The following ATM variants were observed in gnomAD, a reference collection of about 807,000 sequenced individuals.
ATM encodes the protein serine-protein kinase ATM.
ATM carries 308 observed loss-of-function variants against 387.0 expected under a neutral mutation model. The ratio of observed to expected loss-of-function variants is 0.80; its 90% CI spans 0.73 to 0.87. ATM has a LOEUF of 0.87. ATM is among the 40% of genes least tolerant of loss of function. The pLI is 0.00. For missense variants in ATM, 3,312 were observed against 3,560.9 expected (o/e 0.93, Z 1.78); for synonymous variants, 1,156 against 1,187.3 (o/e 0.97, Z 0.54).
At position 108,252,937 on chromosome 11, in the gene ATM, A is replaced by G. The variant is rs746806104; in HGVS notation, c.1898+25A>G. On this transcript the variant is annotated intron_variant, in intron 12 of 62. Transcript: ENST00000675843. Reference sequence around the variant, plus strand: ...GGTATGTTATCTAATAATGCTCTTTATCATTTTAAGCTATAGCTTTAATTA... The same window carrying G: ...GGTATGTTATCTAATAATGCTCTTTGTCATTTTAAGCTATAGCTTTAATTA... The G allele has an allele frequency of 5.8e-6, 9 of 1,546,790 alleles. No homozygotes were observed. In the East Asian group the frequency reaches 1.6e-4, roughly 27 times the overall value.
At chr11:108,328,952 A>C in intron 48 of ATM, 69 bp from the exon 49 acceptor site, 3 of 1,456,976 alleles carry the variant, frequency 2.1e-6, no homozygotes, top group Non-Finnish European at 2.9e-6. Flanking sequence ...TATTACCTTA[A>C]TTTGAGTGAT....
rs1415567368 is a variant in ATM, at chr11:108,268,583, C to T, written c.2812C>T (p.Pro938Ser). 6.2e-7 allele frequency: 1 copy of T among 1,613,960 alleles called. No individual in the cohort carries two copies. The highest frequency in any genetic ancestry group is 8.5e-7 in the Non-Finnish European group (1 of 1,179,968). The change falls in exon 18 of 63, where the codon CCT (proline) becomes TCT (serine). Residue 938 changes from proline (P) to serine (S), a missense_variant. Transcript: ENST00000675843. ...GTTAATTGATTCTAGCACGCTAGAA[C>T]CTACCAAATCCCTCCACCTGCATAT... ...LMLIDSSTLE[P>S]TKSLHLHMYL...
intron 61 of ATM, among the ~76,000 whole-genome samples, chr11:108,362,741 T>A (rs1005389123): frequency 2.1e-5 from 3 of 141,536 alleles, no homozygotes; most frequent in Non-Finnish European, 4.6e-5. Flanking sequence ...TAGGTGGGAA[T>A]TGAACAATGA....
intron 5 of ATM, among the ~76,000 whole-genome samples, chr11:108,242,268 C>G (rs1257956041): frequency 6.6e-6 from 1 of 152,096 alleles, no homozygotes; most frequent in Non-Finnish European, 1.5e-5. Context: ...TCCTCAAAAC[C>G]ATACATTATC....
At chr11:108,325,592 T>C (rs2085592364) in intron 46 of ATM, 48 bp downstream of exon 46, 1 of 1,476,728 alleles carries the variant, frequency 6.8e-7, no homozygotes, top group Non-Finnish European at 9.4e-7. Flanking sequence ...ACTTTCCTTT[T>C]ATTATTTAAA....
chr11:108,341,201 A>G (rs559597504), intron 56 of ATM, among the ~76,000 whole-genome samples: 18 of 151,704 alleles, frequency 1.2e-4, no homozygotes, highest in Non-Finnish European at 2.5e-4. Flanking sequence ...AGACACACCA[A>G]TTTGTTTCTG....
At chr11:108,323,949 G>C (rs559325990) in intron 45 of ATM, among the ~76,000 whole-genome samples, 28 of 152,242 alleles carry the variant, frequency 1.8e-4, no homozygotes, top group Admixed American at 1.3e-3. Context: ...ATGCAAAACA[G>C]TGCCATGCTC....
chr11:108,253,674 A>T, intron 12 of ATM, 140 bp from the exon 13 acceptor site: 2 of 558,430 alleles, frequency 3.6e-6, no homozygotes, highest in Non-Finnish European at 3.0e-6. Flanking sequence ...CATTTAAAAG[A>T]ATAATCTATT....
chr11:108,361,727 G>A (rs1331354876), intron 61 of ATM, among the ~76,000 whole-genome samples: 2 of 151,588 alleles, frequency 1.3e-5, no homozygotes, highest in African/African-American at 2.4e-5. Context: ...AATGGTGCTG[G>A]GAAAACTGGC....
chr11:108,282,167 G>A (rs1007547108), intron 24 of ATM, among the ~76,000 whole-genome samples: 4 of 148,830 alleles, frequency 2.7e-5, no homozygotes, highest in Admixed American at 6.7e-5. Flanking sequence ...TCGCTCTGTC[G>A]CCCAGACTGG....
intron 33 of ATM, 50 bp downstream of exon 33, chr11:108,297,432 A>G (rs756326224): frequency 9.4e-6 from 13 of 1,385,140 alleles, no homozygotes; most frequent in South Asian, 4.6e-5. Context: ...TGCGGATCAC[A>G]TATAGGACAG....
chr11:108,319,668 C>T lies in ATM; in HGVS notation c.6348-286C>T, dbSNP rs953979034. On this transcript the variant is annotated intron_variant, in intron 43 of 62. Coordinates refer to ENST00000675843, the MANE Select transcript of ATM (RefSeq NM_000051.4). ...GATCTGACTTGTCCACTTGTGAATTCCCCTTGTGCCTAGTGCCTGGCACAT... is the reference window on the plus strand; with the variant it reads ...GATCTGACTTGTCCACTTGTGAATTTCCCTTGTGCCTAGTGCCTGGCACAT... Among the ~76,000 whole-genome samples the T allele has an allele frequency of 3.3e-5, 5 of 152,300 alleles. No individual in the cohort carries two copies. The South Asian group carries it at 1.0e-3, about 32-fold the overall frequency.
intron 31 of ATM, among the ~76,000 whole-genome samples, chr11:108,293,890 A>T (rs373466988): frequency 0.049 from 5,344 of 108,796 alleles, 120 homozygotes; most frequent in Admixed American, 0.081. Flanking sequence ...AAAAAAAAAA[A>T]AAAAATATAT....
chr11:108,363,046 C>T (rs556213090), intron 61 of ATM, among the ~76,000 whole-genome samples: 1 of 152,318 alleles, frequency 6.6e-6, no homozygotes, highest in African/African-American at 2.4e-5. Context: ...ACCTAATCTT[C>T]CCTCCGTAAA....
intron 40 of ATM, among the ~76,000 whole-genome samples, chr11:108,313,418 C>A (rs1042327901): frequency 6.6e-6 from 1 of 152,166 alleles, no homozygotes; most frequent in East Asian, 1.9e-4. Context: ...GCATTTCCCC[C>A]CCTTCCATTT....
In ATM at chr11:108,364,023, C is replaced by T. The variant is rs542426062; in HGVS notation, c.8851-1059C>T. ...GTCACATAGGAAACCTTGAACTTAA[C>T]GGACAAGCTACATGTAATCAAGCTC... On this transcript the variant is annotated intron_variant, in intron 61 of 62. Transcript: ENST00000675843. 1.2e-4 allele frequency among the ~76,000 whole-genome samples: 19 copies of T among 152,232 alleles called. No homozygotes were observed. In the South Asian group the frequency reaches 3.5e-3, roughly 28 times the overall value.
Position 108,314,242 on chromosome 11 carries a change from A to G in ATM, c.6007-1581A>G, listed in dbSNP as rs4988080. ...GCCATCCTCCAACCTCAGCCTCACA[A>G]GTAGCTGGGACTACAGGCATGCCCC... On this transcript the variant is annotated intron_variant, in intron 40 of 62. Coordinates refer to ENST00000675843, the MANE Select transcript of ATM (RefSeq NM_000051.4). Among the ~76,000 whole-genome samples, 700 of 152,184 alleles carry G rather than the reference A, an allele frequency of 4.6e-3. 5 individuals are homozygous for G. Among genetic ancestry groups the G allele is most frequent in the Non-Finnish European group, 3.5e-3 (235 of 67,996 alleles).
Position 108,292,807 on chromosome 11 carries a change from T to G in ATM, c.4611+14T>G, listed in dbSNP as rs1270804277. 1 of 1,612,678 alleles carries G rather than the reference T, an allele frequency of 6.2e-7. No individual in the cohort carries two copies. Among genetic ancestry groups the G allele is most frequent in the Non-Finnish European group, 8.5e-7 (1 of 1,178,778 alleles). On this transcript the variant is annotated intron_variant, in intron 30 of 62. Coordinates refer to ENST00000675843, the MANE Select transcript of ATM (RefSeq NM_000051.4). ...GTTCAGAAACAGGTAATTTTCTGACTCATCTTCAAAATGGTATTTAAAATA... is the reference window on the plus strand; with the variant it reads ...GTTCAGAAACAGGTAATTTTCTGACGCATCTTCAAAATGGTATTTAAAATA...
At position 108,271,149 on chromosome 11, in the gene ATM, A is replaced by T. The variant is rs2135549049; in HGVS notation, c.2921+3A>T. 6.2e-7 allele frequency: 1 copy of T among 1,613,980 alleles called. No individual in the cohort carries two copies. Among genetic ancestry groups the T allele is most frequent in the Middle Eastern group, 1.7e-4 (1 of 6,060 alleles). ...CTTGAACTTCTGAAACCACTATCGT[A>T]AGAAATTAAAACCTTATGTTATGTT... On this transcript the variant is annotated splice_donor_region_variant and intron_variant, in intron 19 of 62. Transcript: ENST00000675843.
Sources: allele counts gnomAD v4.1 joint callset (sites outside exome capture counted in the v4.1 genomes callset), GRCh38; gene constraint gnomAD v4.1.1; transcripts MANE v1.5; gene names NCBI Gene and HGNC (gene_info 2026-07-23, HGNC 2026-07-21).